NR1H2: variants seen among roughly 807,000 people sequenced by gnomAD.
NR1H2 encodes the protein oxysterols receptor LXR-beta.
Under a neutral mutation model 51.2 loss-of-function variants are expected in NR1H2, and 33 were observed. That is an observed-to-expected ratio of 0.64 (90% CI 0.49 to 0.86). The LOEUF (loss-of-function observed/expected upper bound fraction) is 0.86. Ranked by LOEUF, NR1H2 falls within the 40% of genes least tolerant of loss-of-function variation. The probability of loss-of-function intolerance (pLI) is 0.00; values close to 1 mark genes in which losing one functional copy is unlikely to be tolerated. For missense variants in NR1H2, 592 were observed against 639.9 expected (o/e 0.93, Z 0.81); for synonymous variants, 310 against 264.3 (o/e 1.17, Z -1.68).
intron 6 of NR1H2, 75 bp from the exon 7 acceptor site, chr19:50,378,927 G>C: frequency 6.4e-7 from 1 of 1,553,198 alleles, no homozygotes; most frequent in Admixed American, 1.8e-5. Flanking sequence ...CCAGGGTGCA[G>C]GCTTGGCCTC....
rs1299372495 is a variant in NR1H2, at chr19:50,379,158, C to T, written c.904C>T (p.Leu302Phe). 1 of 1,612,932 alleles carries T rather than the reference C, an allele frequency of 6.2e-7. No individual in the cohort carries two copies. The highest frequency in any genetic ancestry group is 1.3e-5 in the African/African-American group (1 of 75,050). Residue 302 changes from leucine to phenylalanine, a missense_variant, in exon 7 of 10, where the codon CTC (leucine) becomes TTC (phenylalanine). Physicochemically the swap from Leu to Phe is conservative, Grantham distance 22 (BLOSUM62 0). Coordinates refer to ENST00000253727, the MANE Select transcript of NR1H2 (RefSeq NM_007121.7). ...GCTGGGCCGGGAGGACCAGATCGCC[C>T]TCCTGAAGGCATCCACTATCGAGGT... is the stretch of plus-strand genomic sequence containing the variant. ...LQLGREDQIA[L>F]LKASTIEIML...
chr19:50,382,824 C>T lies in NR1H2; in HGVS notation c.*222C>T. 2.2e-6 allele frequency: 1 copy of T among 462,838 alleles called. No homozygotes were observed. 28.7% of individuals were successfully genotyped at this position (462,838 alleles called of 1,614,324 possible). A position where few individuals can be genotyped will look rare whatever the true frequency, so the allele number is the denominator to read the frequency against. ...AGGGTTGCAGGTCCCGACCACTGAC[C>T]CTTCCCGGCTGCCCTCCCTCCCCAG... On this transcript the variant is annotated 3_prime_UTR_variant, in exon 10 of 10. Transcript: ENST00000253727.
intron 8 of NR1H2, among the ~76,000 whole-genome samples, chr19:50,381,605 C>G (rs1053933414): frequency 1.3e-5 from 2 of 152,242 alleles, no homozygotes; most frequent in African/African-American, 4.8e-5. Context: ...TGGAAGCCAG[C>G]GCTGGGACCA....
Position 50,378,793 on chromosome 19 carries a change from C to G in NR1H2, c.744C>G (p.Val248=). ...GCTCCTTCTCCGACCAGCCCAAAGT[C>G]ACGGTACTGCCCCCTCCACAACCTT... ...NKRSFSDQPK[V]TPWPLGADPQ... The change falls in exon 6 of 10, where the codon GTC becomes GTG. Residue 248 remains valine (V), a synonymous_variant. Transcript: ENST00000253727. 2 of 1,612,912 alleles carry G rather than the reference C, an allele frequency of 1.2e-6. No homozygotes were observed. Among genetic ancestry groups the G allele is most frequent in the East Asian group, 2.2e-5 (1 of 44,882 alleles).
Position 50,378,803 on chromosome 19 carries a change from CCCCCT to C in NR1H2, c.747+10_747+14del. ...CGACCAGCCCAAAGTCACGGTACTG[CCCCCT>C]CCACAACCTTGAGTGTGACGGTCCC... On this transcript the variant is annotated splice_region_variant and intron_variant, in intron 6 of 9. Coordinates refer to ENST00000253727, the MANE Select transcript of NR1H2 (RefSeq NM_007121.7). 6.3e-7 allele frequency: 1 copy of C among 1,597,258 alleles called. No individual in the cohort carries two copies.
intron 7 of NR1H2, 53 bp from the exon 8 acceptor site, chr19:50,379,727 T>A: frequency 8.8e-7 from 1 of 1,133,184 alleles, no homozygotes; most frequent in Non-Finnish European, 1.3e-6. Flanking sequence ...GGGGAGGGAC[T>A]AGCAGCTGAA....
rs748248315 is a variant in NR1H2, at chr19:50,382,008, G to A, written c.1070G>A (p.Arg357Gln). The A allele has an allele frequency of 5.1e-6, 8 of 1,568,484 alleles. No individual in the cohort carries two copies. The highest frequency in any genetic ancestry group is 6.9e-6 in the Non-Finnish European group (8 of 1,156,266). ...EFINPIFEFS[R>Q]AMRRLGLDDA... is the part of the protein sequence containing the mutation. ...ATCAACCCCATCTTCGAGTTCTCGCGGGCCATGCGGCGGCTGGGCCTGGAC... is the reference window on the plus strand; with the variant it reads ...ATCAACCCCATCTTCGAGTTCTCGCAGGCCATGCGGCGGCTGGGCCTGGAC... Residue 357 changes from arginine to glutamine, a missense_variant, in exon 9 of 10, where the codon CGG (arginine) becomes CAG (glutamine). Coordinates refer to ENST00000253727, the MANE Select transcript of NR1H2 (RefSeq NM_007121.7).
intron 2 of NR1H2, 118 bp downstream of exon 2, chr19:50,376,944 G>A (rs1485084936): frequency 2.1e-5 from 3 of 144,730 alleles, no homozygotes; most frequent in African/African-American, 7.7e-5. Context: ...GGCTGGGGGC[G>A]GGGCATGATG....
intron 2 of NR1H2, 189 bp from the exon 3 acceptor site, chr19:50,377,398 G>A: frequency 1.9e-6 from 1 of 513,548 alleles, no homozygotes; most frequent in Non-Finnish European, 3.4e-6. Context: ...AGGCTGGCGT[G>A]GAACAGAAGG....
chr19:50,381,832 G>C, intron 8 of NR1H2, 134 bp from the exon 9 acceptor site: 1 of 759,248 alleles, frequency 1.3e-6, no homozygotes, highest in Non-Finnish European at 2.1e-6. Context: ...ACGGGGCACA[G>C]GTGGACAGAA....
rs754139891 is a variant in NR1H2, at chr19:50,378,805, C to T, written c.747+9C>T. ...ACCAGCCCAAAGTCACGGTACTGCCCCCTCCACAACCTTGAGTGTGACGGT... is the reference window on the plus strand; with the variant it reads ...ACCAGCCCAAAGTCACGGTACTGCCTCCTCCACAACCTTGAGTGTGACGGT... On this transcript the variant is annotated intron_variant, in intron 6 of 9. Coordinates refer to ENST00000253727, the MANE Select transcript of NR1H2 (RefSeq NM_007121.7). 8.1e-6 allele frequency: 13 copies of T among 1,610,626 alleles called. No individual in the cohort carries two copies. Among genetic ancestry groups the T allele is most frequent in the Admixed American group, 3.3e-5 (2 of 59,912 alleles).
chr19:50,378,994 T>C lies in NR1H2; in HGVS notation c.748-8T>C. 6.2e-7 allele frequency: 1 copy of C among 1,601,826 alleles called. No individual in the cohort carries two copies. Among genetic ancestry groups the C allele is most frequent in the Non-Finnish European group, 8.5e-7 (1 of 1,174,692 alleles). On this transcript the variant is annotated splice_region_variant and splice_polypyrimidine_tract_variant and intron_variant, in intron 6 of 9. Transcript: ENST00000253727. Reference sequence around the variant, plus strand: ...ACCTGGGAGTGACCCTGGTCTCCTGTGTCCCAGCCCTGGCCCCTGGGCGCA... The same window carrying C: ...ACCTGGGAGTGACCCTGGTCTCCTGCGTCCCAGCCCTGGCCCCTGGGCGCA...
intron 8 of NR1H2, among the ~76,000 whole-genome samples, chr19:50,381,483 A>G (rs1406036698): frequency 6.6e-6 from 1 of 152,152 alleles, no homozygotes; most frequent in Non-Finnish European, 1.5e-5. Flanking sequence ...CCGGTCCCCT[A>G]GGCTCTCAAA....
chr19:50,379,685 C>A, intron 7 of NR1H2, 95 bp from the exon 8 acceptor site: 1 of 780,904 alleles, frequency 1.3e-6, no homozygotes, highest in Non-Finnish European at 2.3e-6. Context: ...AGGGATAATC[C>A]TGGTGAGATT....
In NR1H2 at chr19:50,378,349, G is replaced by T; in HGVS notation, c.382G>T (p.Gly128Cys). The change falls in exon 5 of 10, where the codon GGC becomes TGC. Residue 128 changes from glycine (G) to cysteine (C), a missense_variant. This residue lies in a region of NR1H2 where 316 missense variants were observed against 313.4 expected (regional missense o/e 1.01). Coordinates refer to ENST00000253727, the MANE Select transcript of NR1H2 (RefSeq NM_007121.7). ...GGCCAGGCGCTATGCCTGCCGGGGT[G>T]GCGGAACCTGCCAGATGGACGCTTT... ...GGARRYACRGGGTCQMDAFMR... is the reference protein window; with the variant it reads ...GGARRYACRGCGTCQMDAFMR... 6.2e-7 allele frequency: 1 copy of T among 1,612,166 alleles called. No individual in the cohort carries two copies. Among genetic ancestry groups the T allele is most frequent in the Non-Finnish European group, 8.5e-7 (1 of 1,179,350 alleles).
At position 50,382,837 on chromosome 19, in the gene NR1H2, C is replaced by G; in HGVS notation, c.*235C>G. 1 of 440,122 alleles carries G rather than the reference C, an allele frequency of 2.3e-6. No homozygotes were observed. The highest frequency in any genetic ancestry group is 3.7e-5 in the East Asian group (1 of 26,892). The allele number at this position is 440,122 out of a possible 1,614,324, so 27.3% of individuals were successfully genotyped here. On this transcript the variant is annotated 3_prime_UTR_variant, in exon 10 of 10. Coordinates refer to ENST00000253727, the MANE Select transcript of NR1H2 (RefSeq NM_007121.7). ...CCGACCACTGACCCTTCCCGGCTGCCCTCCCTCCCCAGCTTACACCTCAAG... is the reference window on the plus strand; with the variant it reads ...CCGACCACTGACCCTTCCCGGCTGCGCTCCCTCCCCAGCTTACACCTCAAG...
In NR1H2 at chr19:50,378,514, C is replaced by G; in HGVS notation, c.473-8C>G. On this transcript the variant is annotated splice_polypyrimidine_tract_variant and splice_region_variant and intron_variant, in intron 5 of 9. Coordinates refer to ENST00000253727, the MANE Select transcript of NR1H2 (RefSeq NM_007121.7). ...TGGGGTTCTGCTGAGGCCTGCATCC[C>G]CCTACAGGCGTCCTTTCTGAAGAAC... is the stretch of plus-strand genomic sequence containing the variant. The G allele has an allele frequency of 6.2e-7, 1 of 1,602,452 alleles. No individual in the cohort carries two copies. The highest frequency in any genetic ancestry group is 8.5e-7 in the Non-Finnish European group (1 of 1,173,102).
Position 50,383,365 on chromosome 19 carries a change from C to G in NR1H2, c.*763C>G, listed in dbSNP as rs756840129. Reference sequence around the variant, plus strand: ...CATTCTAGAGATGGAGACATTCACCCAATAAATGTTTCCAGAGCATTAACT... The same window carrying G: ...CATTCTAGAGATGGAGACATTCACCGAATAAATGTTTCCAGAGCATTAACT... On this transcript the variant is annotated 3_prime_UTR_variant, in exon 10 of 10. Transcript: ENST00000253727. Among the ~76,000 whole-genome samples, 4 of 152,218 alleles carry G rather than the reference C, an allele frequency of 2.6e-5. 1 individual carries two copies. Among genetic ancestry groups the G allele is most frequent in the Non-Finnish European group, 4.4e-5 (3 of 68,044 alleles).
chr19:50,381,839 A>G, intron 8 of NR1H2, 127 bp from the exon 9 acceptor site: 1 of 801,946 alleles, frequency 1.2e-6, no homozygotes, highest in East Asian at 2.7e-5. Flanking sequence ...ACAGGTGGAC[A>G]GAAATGACAA....
Sources: allele counts gnomAD v4.1 joint callset (sites outside exome capture counted in the v4.1 genomes callset), GRCh38; gene constraint gnomAD v4.1.1; regional missense constraint gnomAD v4.1.1; transcripts MANE v1.5; gene names NCBI Gene and HGNC (gene_info 2026-07-23, HGNC 2026-07-21).